Variants in AJAP1 observed in about 807,000 individuals in gnomAD.
AJAP1 encodes adherens junctions associated protein 1, also known as adherens junction-associated protein 1.
A neutral mutation model predicts 35.0 loss-of-function variants in AJAP1; 5 were observed. The observed-to-expected ratio is 0.14, with a 90% confidence interval of 0.07 to 0.30. The LOEUF (loss-of-function observed/expected upper bound fraction) is 0.30, where lower values mean the gene tolerates loss of function less well. Ranked by LOEUF, AJAP1 falls within the 10% of genes least tolerant of loss-of-function variation. The pLI, the probability that AJAP1 is intolerant of heterozygous loss-of-function variation, is 1.00. For missense variants in AJAP1, 586 were observed against 571.0 expected (o/e 1.03, Z -0.27); for synonymous variants, 284 against 249.3 (o/e 1.14, Z -1.31).
At chr1:4,658,457 G>A (rs1002428960) in intron 1 of AJAP1, among the ~76,000 whole-genome samples, 23 of 152,238 alleles carry the variant, frequency 1.5e-4, no homozygotes, top group African/African-American at 5.1e-4. Flanking sequence ...CAGCTTTAGC[G>A]GATGAAGTCA....
intron 1 of AJAP1, among the ~76,000 whole-genome samples, chr1:4,708,822 C>A (rs916839869): frequency 6.6e-6 from 1 of 152,156 alleles, no homozygotes; most frequent in African/African-American, 2.4e-5. Flanking sequence ...CCCCCTGCCC[C>A]CCACATTTCT....
At chr1:4,706,132 C>T (rs1341506914) in intron 1 of AJAP1, among the ~76,000 whole-genome samples, 3 of 152,078 alleles carry the variant, frequency 2.0e-5, no homozygotes, top group Non-Finnish European at 2.9e-5. Context: ...AGGGGTAGAC[C>T]CTGGGTCCTC....
At chr1:4,658,121 A>G (rs1235919709) in intron 1 of AJAP1, among the ~76,000 whole-genome samples, 1 of 151,978 alleles carries the variant, frequency 6.6e-6, no homozygotes, top group Non-Finnish European at 1.5e-5. Context: ...CAGGCTGCAG[A>G]CCTCAGATGC....
At chr1:4,668,572 C>T (rs908683042) in intron 1 of AJAP1, among the ~76,000 whole-genome samples, 1 of 152,180 alleles carries the variant, frequency 6.6e-6, no homozygotes, top group Non-Finnish European at 1.5e-5. Flanking sequence ...CAGGAGTAAG[C>T]AACTTTCCTA....
In AJAP1 at chr1:4,656,222, A is replaced by T. The variant is rs1557595841; in HGVS notation, c.29+768A>T. Among the ~76,000 whole-genome samples the T allele has an allele frequency of 6.6e-6, 1 of 152,114 alleles. No homozygotes were observed. Among genetic ancestry groups the T allele is most frequent in the Non-Finnish European group, 1.5e-5 (1 of 68,018 alleles). On this transcript the variant is annotated intron_variant, in intron 1 of 5. Transcript: ENST00000378191. The surrounding 1 kb of genome is among the most constrained non-coding windows in gnomAD (Gnocchi z 5.7). ...GAGCCCGTGGTGGGGGTGTCCAGAA[A>T]GACCCTTCTCGGCAAACTTTGCCAG...
chr1:4,658,280 G>A (rs187748132), intron 1 of AJAP1, among the ~76,000 whole-genome samples: 42 of 152,246 alleles, frequency 2.8e-4, no homozygotes, highest in African/African-American at 9.6e-4. Flanking sequence ...AGGTTCTGGG[G>A]CCCCTTTTGT....
intron 2 of AJAP1, among the ~76,000 whole-genome samples, chr1:4,757,525 G>C (rs552664592): frequency 6.6e-6 from 1 of 152,322 alleles, no homozygotes; most frequent in Non-Finnish European, 1.5e-5. Flanking sequence ...AAGCATCCTG[G>C]CATGAGTGTG....
At chr1:4,778,912 C>T (rs1641992783) in intron 5 of AJAP1, among the ~76,000 whole-genome samples, 1 of 152,160 alleles carries the variant, frequency 6.6e-6, no homozygotes, top group African/African-American at 2.4e-5. Context: ...TGTTTTGATT[C>T]CCTACTCCGG....
At chr1:4,675,484 C>T (rs1298204147) in intron 1 of AJAP1, among the ~76,000 whole-genome samples, 2 of 152,134 alleles carry the variant, frequency 1.3e-5, no homozygotes, top group African/African-American at 2.4e-5. Flanking sequence ...CTTGGTGTCC[C>T]GAGCGTTTAT....
At chr1:4,711,872 G>C (rs369460454) in intron 1 of AJAP1, 28 bp from the exon 2 acceptor site, 778 of 1,435,492 alleles carry the variant, frequency 5.4e-4, no homozygotes, top group Non-Finnish European at 6.9e-4. Flanking sequence ...TCCACTGACC[G>C]CTCTTCTCTC....
At chr1:4,728,555 C>T (rs530825022) in intron 2 of AJAP1, among the ~76,000 whole-genome samples, 3 of 152,290 alleles carry the variant, frequency 2.0e-5, no homozygotes, top group East Asian at 3.9e-4. Context: ...CTCTTGCTGT[C>T]GCCGTGGGGG....
At chr1:4,670,312 G>T (rs941381434) in intron 1 of AJAP1, among the ~76,000 whole-genome samples, 4 of 152,184 alleles carry the variant, frequency 2.6e-5, no homozygotes, top group African/African-American at 9.7e-5. Flanking sequence ...CACTAAAGAG[G>T]AATTATGAAC....
chr1:4,758,983 C>T lies in AJAP1; in HGVS notation c.830-10870C>T, dbSNP rs145316551. On this transcript the variant is annotated intron_variant, in intron 2 of 5. Coordinates refer to ENST00000378191, the MANE Select transcript of AJAP1 (RefSeq NM_018836.4). ...ACTCCAGAGTACTTCTGAAGATGGCCAGCACCAGAGCTCAGGTCGGGATGC... is the reference window on the plus strand; with the variant it reads ...ACTCCAGAGTACTTCTGAAGATGGCTAGCACCAGAGCTCAGGTCGGGATGC... Among the ~76,000 whole-genome samples, 300 of 152,338 alleles carry T rather than the reference C, an allele frequency of 2.0e-3. 1 individual carries two copies. The highest frequency in any genetic ancestry group is 2.9e-3 in the Non-Finnish European group (199 of 68,030).
At chr1:4,772,921 C>G (rs1641869415) in intron 4 of AJAP1, among the ~76,000 whole-genome samples, 1 of 152,150 alleles carries the variant, frequency 6.6e-6, no homozygotes, top group South Asian at 2.1e-4. Context: ...GTCTCTGAGC[C>G]CTGTCAATAA....
At chr1:4,724,392 C>T (rs1640601611) in intron 2 of AJAP1, among the ~76,000 whole-genome samples, 1 of 152,170 alleles carries the variant, frequency 6.6e-6, no homozygotes, top group Non-Finnish European at 1.5e-5. Flanking sequence ...CATCTGCTCA[C>T]AGAAGGGGTC....
chr1:4,727,547 C>G (rs1426360315), intron 2 of AJAP1, among the ~76,000 whole-genome samples: 2 of 152,214 alleles, frequency 1.3e-5, no homozygotes, highest in Non-Finnish European at 2.9e-5. Flanking sequence ...ATTCTCACCC[C>G]TGGGCAGCAG....
chr1:4,735,010 C>T (rs1404054702), intron 2 of AJAP1, among the ~76,000 whole-genome samples: 3 of 152,242 alleles, frequency 2.0e-5, no homozygotes. Context: ...TTCACCTCAA[C>T]TTCCCTGGGA....
chr1:4,743,979 A>C (rs1487599489), intron 2 of AJAP1, among the ~76,000 whole-genome samples: 1 of 152,100 alleles, frequency 6.6e-6, no homozygotes, highest in Admixed American at 6.5e-5. Context: ...AGGTGAAGTG[A>C]TGTGGTGTTT....
intron 1 of AJAP1, among the ~76,000 whole-genome samples, chr1:4,673,893 A>C (rs1343482939): frequency 6.6e-6 from 1 of 151,916 alleles, no homozygotes; most frequent in Non-Finnish European, 1.5e-5. Context: ...GGTCTCCGTG[A>C]AATGAATTGA....
Sources: allele counts gnomAD v4.1 joint callset (sites outside exome capture counted in the v4.1 genomes callset), GRCh38; gene constraint gnomAD v4.1.1; non-coding constraint Gnocchi (gnomAD v3.1); transcripts MANE v1.5; gene names NCBI Gene and HGNC (gene_info 2026-07-23, HGNC 2026-07-21).